Variants in GOPC observed in about 807,000 individuals in gnomAD.
GOPC encodes the protein golgi associated PDZ and coiled-coil motif containing, also known as Golgi-associated PDZ and coiled-coil motif-containing protein.
In GOPC, 32 loss-of-function variants were observed where a neutral mutation model predicts 51.2. The observed-to-expected ratio is 0.63, with a 90% confidence interval of 0.47 to 0.84. GOPC has a LOEUF of 0.84. Ranked by LOEUF, GOPC falls within the 40% of genes least tolerant of loss-of-function variation. The pLI is 0.00. For missense variants in GOPC, 441 were observed against 555.5 expected, an observed-to-expected ratio of 0.79 and a Z score of 2.07; for synonymous variants, 190 against 205.1, an observed-to-expected ratio of 0.93 and a Z score of 0.63.
intron 8 of GOPC, 104 bp from the exon 9 acceptor site, chr6:117,563,488 A>G: frequency 9.5e-7 from 1 of 1,050,310 alleles, no homozygotes. Context: ...TTGAGAGGCC[A>G]AGGTGGGTGG....
chr6:117,580,681 T>C (rs1470757982), intron 1 of GOPC, among the ~76,000 whole-genome samples: 1 of 152,164 alleles, frequency 6.6e-6, no homozygotes, highest in Non-Finnish European at 1.5e-5. Flanking sequence ...TAGTGGTTTT[T>C]AGTATATTCA....
At position 117,593,569 on chromosome 6, in the gene GOPC, C is replaced by T. The variant is rs79775959; in HGVS notation, c.285+8435G>A. Among the ~76,000 whole-genome samples the T allele has an allele frequency of 4.6e-5, 7 of 152,290 alleles. No homozygotes were observed. The East Asian group carries it at 1.2e-3, about 25-fold the overall frequency. On this transcript the variant is annotated intron_variant, in intron 1 of 8. Coordinates refer to ENST00000368498, the MANE Select transcript of GOPC (RefSeq NM_020399.4). ...CCCCATCAGACATAATGTGTTTGTG[C>T]AGAGACTGATTTCTCTAGCTCCGTA...
Position 117,602,340 on chromosome 6 carries a change from G to C in GOPC, c.-52C>G. 6.7e-7 allele frequency: 1 copy of C among 1,497,442 alleles called. No individual in the cohort carries two copies. The highest frequency in any genetic ancestry group is 8.8e-7 in the Non-Finnish European group (1 of 1,131,174). The allele number at this position is 1,497,442 out of a possible 1,614,324, so 92.8% of individuals were successfully genotyped here. A position where few individuals can be genotyped will look rare whatever the true frequency, so the allele number is the denominator to read the frequency against. Reference sequence around the variant, plus strand: ...GCTGAAGACCCTCGCCGCCCCCCGCGCACGAAGGGAACTGCTGGGACTGAG... The same window carrying C: ...GCTGAAGACCCTCGCCGCCCCCCGCCCACGAAGGGAACTGCTGGGACTGAG... On this transcript the variant is annotated 5_prime_UTR_variant, in exon 1 of 9. Coordinates refer to ENST00000368498, the MANE Select transcript of GOPC (RefSeq NM_020399.4).
At chr6:117,595,519 A>G (rs1036946817) in intron 1 of GOPC, among the ~76,000 whole-genome samples, 2 of 152,142 alleles carry the variant, frequency 1.3e-5, no homozygotes, top group Non-Finnish European at 2.9e-5. Flanking sequence ...ACTGTATCCA[A>G]TGTGTCATCT....
intron 1 of GOPC, among the ~76,000 whole-genome samples, chr6:117,595,554 C>T (rs1241158978): frequency 6.6e-6 from 1 of 152,176 alleles, no homozygotes; most frequent in Non-Finnish European, 1.5e-5. Context: ...CCTTCCCACC[C>T]TTTACTCCAG....
chr6:117,592,421 T>C (rs985701589), intron 1 of GOPC, among the ~76,000 whole-genome samples: 4 of 152,146 alleles, frequency 2.6e-5, no homozygotes, highest in East Asian at 3.9e-4. Flanking sequence ...AAGTTTATTC[T>C]TTCACATTTC....
chr6:117,582,279 C>CACAG (rs1701002902), intron 1 of GOPC, among the ~76,000 whole-genome samples: 1 of 139,272 alleles, frequency 7.2e-6, no homozygotes, highest in Non-Finnish European at 1.5e-5. Context: ...CCCCTACACA[C>CACAG]ACACACACAC....
intron 1 of GOPC, among the ~76,000 whole-genome samples, chr6:117,591,040 TG>T (rs1780109518): frequency 6.6e-6 from 1 of 152,086 alleles, no homozygotes; most frequent in East Asian, 1.9e-4. Context: ...TTAGTAGAGA[TG>T]GGGTTTCCCC....
chr6:117,600,424 T>A (rs1442435812), intron 1 of GOPC, among the ~76,000 whole-genome samples: 2 of 152,208 alleles, frequency 1.3e-5, no homozygotes, highest in East Asian at 3.9e-4. Context: ...ACATTGAGGA[T>A]TAAGTTTCCC....
chr6:117,570,129 TGG>T (rs2114607889), intron 6 of GOPC, among the ~76,000 whole-genome samples: 1 of 152,154 alleles, frequency 6.6e-6, no homozygotes, highest in East Asian at 1.9e-4. Flanking sequence ...ATGCAGTATT[TGG>T]TACCTATCAC....
chr6:117,588,261 G>C (rs1007230529), intron 1 of GOPC, among the ~76,000 whole-genome samples: 3 of 151,872 alleles, frequency 2.0e-5, no homozygotes, highest in Non-Finnish European at 4.4e-5. Flanking sequence ...AGCATGGCTG[G>C]GGAGGCCTCA....
chr6:117,569,775 G>T, intron 6 of GOPC, 39 bp from the exon 7 acceptor site: 2 of 1,528,174 alleles, frequency 1.3e-6, no homozygotes, highest in Non-Finnish European at 1.7e-6. Flanking sequence ...AGTACTCTTT[G>T]TAAGGTACAG....
At chr6:117,578,535 T>C (rs999720060) in intron 2 of GOPC, among the ~76,000 whole-genome samples, 3 of 151,962 alleles carry the variant, frequency 2.0e-5, no homozygotes, top group Non-Finnish European at 2.9e-5. Flanking sequence ...CAGAGAAAAA[T>C]AAGTACTGTT....
intron 5 of GOPC, among the ~76,000 whole-genome samples, chr6:117,571,738 A>ATATTGTG (rs1779810822): frequency 6.6e-6 from 1 of 152,144 alleles, no homozygotes; most frequent in Non-Finnish European, 1.5e-5. Context: ...TGTGGTCACC[A>ATATTGTG]GTAATCAATA....
intron 5 of GOPC, among the ~76,000 whole-genome samples, chr6:117,572,479 A>T (rs1386434656): frequency 6.6e-6 from 1 of 152,220 alleles, no homozygotes; most frequent in Non-Finnish European, 1.5e-5. Flanking sequence ...TGTAAATTTT[A>T]TGAAGTCTGC....
Position 117,602,161 on chromosome 6 carries a change from T to A in GOPC, c.128A>T (p.Lys43Ile). 1 of 1,613,912 alleles carries A rather than the reference T, an allele frequency of 6.2e-7. No individual in the cohort carries two copies. The highest frequency in any genetic ancestry group is 8.5e-7 in the Non-Finnish European group (1 of 1,180,002). ...GAGCAGATCCACATCCACAAAAGCT[T>A]TGTCGAACTCCTTCTCCAGCACCTC... ...WLEVLEKEFDKAFVDVDLLLG... is the reference protein window; with the variant it reads ...WLEVLEKEFDIAFVDVDLLLG... The change falls in exon 1 of 9, where the codon AAA becomes ATA. Residue 43 changes from lysine (K) to isoleucine (I), a missense_variant. Lys to Ile is a moderately radical substitution (Grantham distance 102). Around this residue, in one of 3 missense-constraint regions of GOPC, gnomAD observed 204 missense variants for 219.8 expected, o/e 0.93. Coordinates refer to ENST00000368498, the MANE Select transcript of GOPC (RefSeq NM_020399.4).
chr6:117,578,955 T>TGCA lies in GOPC; in HGVS notation c.392_394dup (p.Leu131dup). The TGCA allele has an allele frequency of 6.2e-7, 1 of 1,611,586 alleles. No individual in the cohort carries two copies. The highest frequency in any genetic ancestry group is 1.3e-5 in the African/African-American group (1 of 74,962). On this transcript the variant is annotated inframe_insertion, in exon 2 of 9. Transcript: ENST00000368498. ...ACTTTGACCAGTTTTAGCATGAAGC[T>TGCA]GCAGCTGAATAGAGTGCAGCTGTAA...
At chr6:117,574,318 CTTTG>C (rs1272160598) in intron 4 of GOPC, among the ~76,000 whole-genome samples, 2 of 151,146 alleles carry the variant, frequency 1.3e-5, no homozygotes, top group African/African-American at 4.9e-5. Context: ...ATTATTTTTT[CTTTG>C]TTCCATGTTT....
Position 117,575,201 on chromosome 6 carries a change from T to C in GOPC, c.626A>G (p.Tyr209Cys), listed in dbSNP as rs1779862782. ...CCTTCCTGCCAGTTCCTTATCCAAG[T>C]ACTTGGCAGCTAGTCTCGCCCCATA... ...EVYGARLAAK[Y>C]LDKELAGRVQ... The change falls in exon 4 of 9, where the codon TAC (tyrosine) becomes TGC (cysteine). Residue 209 changes from tyrosine to cysteine, a missense_variant. Physicochemically the swap from Tyr to Cys is radical, Grantham distance 194. Transcript: ENST00000368498. 1 of 1,606,442 alleles carries C rather than the reference T, an allele frequency of 6.2e-7. No individual in the cohort carries two copies. The highest frequency in any genetic ancestry group is 8.5e-7 in the Non-Finnish European group (1 of 1,178,194).
Sources: allele counts gnomAD v4.1 joint callset (sites outside exome capture counted in the v4.1 genomes callset), GRCh38; gene constraint gnomAD v4.1.1; regional missense constraint gnomAD v4.1.1; transcripts MANE v1.5; gene names NCBI Gene and HGNC (gene_info 2026-07-23, HGNC 2026-07-21).